TMEFF2: variants seen among roughly 807,000 people sequenced by gnomAD.
The protein encoded by TMEFF2 is tomoregulin-2.
A neutral mutation model predicts 53.8 loss-of-function variants in TMEFF2; 28 were observed. The ratio of observed to expected loss-of-function variants is 0.52; its 90% CI spans 0.39 to 0.71. The LOEUF (loss-of-function observed/expected upper bound fraction) is 0.71, where lower values mean the gene tolerates loss of function less well. Ranked by LOEUF, TMEFF2 falls within the 30% of genes least tolerant of loss-of-function variation. The probability of loss-of-function intolerance (pLI) is 0.00; values close to 1 mark genes in which losing one functional copy is unlikely to be tolerated. For missense variants in TMEFF2, 353 were observed against 455.2 expected (o/e 0.78, Z 2.04); for synonymous variants, 162 against 166.3 (o/e 0.97, Z 0.20).
chr2:192,005,755 A>G (rs1686485098), intron 5 of TMEFF2, among the ~76,000 whole-genome samples: 1 of 152,108 alleles, frequency 6.6e-6, no homozygotes, highest in South Asian at 2.1e-4. Context: ...CAGATCTGTA[A>G]TGGATGAACT....
chr2:191,954,027 A>G (rs1021223374), intron 8 of TMEFF2, among the ~76,000 whole-genome samples, 190 bp from the exon 9 acceptor site: 6 of 151,108 alleles, frequency 4.0e-5, no homozygotes, highest in South Asian at 2.1e-4. Flanking sequence ...AGCTGGGACT[A>G]CAGGCGCCCG....
chr2:192,096,514 T>C (rs867466077), intron 4 of TMEFF2, among the ~76,000 whole-genome samples: 2 of 152,126 alleles, frequency 1.3e-5, no homozygotes, highest in Admixed American at 1.3e-4. Context: ...GAACCCATTA[T>C]TCTGAATATT....
chr2:192,193,749 GAGAT>G (rs149082794), intron 1 of TMEFF2, among the ~76,000 whole-genome samples: 1,701 of 41,836 alleles, frequency 0.041, 54 homozygotes, highest in African/African-American at 0.086. Flanking sequence ...GAGAGAGAGA[GAGAT>G]AGATAGATAG....
Position 192,041,243 on chromosome 2 carries a change from A to G in TMEFF2, c.536+16436T>C, listed in dbSNP as rs1416394002. Among the ~76,000 whole-genome samples the G allele has an allele frequency of 4.6e-5, 7 of 152,204 alleles. No individual in the cohort carries two copies. In the South Asian group the frequency reaches 1.2e-3, roughly 27 times the overall value. On this transcript the variant is annotated intron_variant, in intron 5 of 9. Coordinates refer to ENST00000272771, the MANE Select transcript of TMEFF2 (RefSeq NM_016192.4). ...GGGAACTTATATTTAGATTATATAT[A>G]TTTTTAAAACTCTTACAGCTCAATA...
At chr2:192,160,852 A>C (rs1690615919) in intron 4 of TMEFF2, among the ~76,000 whole-genome samples, 1 of 152,228 alleles carries the variant, frequency 6.6e-6, no homozygotes. Flanking sequence ...TGCAATAGGC[A>C]GCAGTAATGC....
At position 192,058,172 on chromosome 2, in the gene TMEFF2, T is replaced by A. The variant is rs1299350899; in HGVS notation, c.440-397A>T. Among the ~76,000 whole-genome samples the A allele has an allele frequency of 2.6e-5, 4 of 152,196 alleles. No homozygotes were observed. In the East Asian group the frequency reaches 7.7e-4, roughly 29 times the overall value. On this transcript the variant is annotated intron_variant, in intron 4 of 9. Transcript: ENST00000272771. ...ATTTAGCATTTTCTTATTTCCAGAT[T>A]ATGGACTTTTTCGTTCAAAGAAAGT... is the stretch of plus-strand genomic sequence containing the variant.
intron 4 of TMEFF2, among the ~76,000 whole-genome samples, chr2:192,061,046 T>C (rs1201723526): frequency 2.0e-5 from 3 of 152,184 alleles, no homozygotes; most frequent in Non-Finnish European, 4.4e-5. Flanking sequence ...CTCAGATCTC[T>C]CTGCCCTGGT....
intron 4 of TMEFF2, among the ~76,000 whole-genome samples, chr2:192,061,858 C>T (rs543541746): frequency 1.3e-5 from 2 of 152,212 alleles, no homozygotes; most frequent in South Asian, 4.1e-4. Context: ...TTCGTTCTCT[C>T]TCTTGCTCCC....
At chr2:192,016,557 T>C (rs747028383) in intron 5 of TMEFF2, among the ~76,000 whole-genome samples, 1 of 152,208 alleles carries the variant, frequency 6.6e-6, no homozygotes, top group Non-Finnish European at 1.5e-5. Flanking sequence ...AAGGATCCTG[T>C]GAGTCCATCT....
In TMEFF2 at chr2:192,141,514, A is replaced by G. The variant is rs566328313; in HGVS notation, c.439+38154T>C. ...AAGTATTTCATAGAGCTAGGTCTCA[A>G]ACATGCATTTGACTTTTATTATTAT... On this transcript the variant is annotated intron_variant, in intron 4 of 9. Transcript: ENST00000272771. Among the ~76,000 whole-genome samples the G allele has an allele frequency of 7.3e-4, 111 of 152,204 alleles. 1 individual carries two copies. The highest frequency in any genetic ancestry group is 2.6e-3 in the African/African-American group (107 of 41,550).
At chr2:192,038,512 CTT>C (rs1352416135) in intron 5 of TMEFF2, among the ~76,000 whole-genome samples, 2 of 151,978 alleles carry the variant, frequency 1.3e-5, no homozygotes, top group Non-Finnish European at 2.9e-5. Flanking sequence ...CTGCTCTTTT[CTT>C]TCTTTTTTTA....
chr2:192,093,656 C>G (rs1442226334), intron 4 of TMEFF2, among the ~76,000 whole-genome samples: 1 of 152,016 alleles, frequency 6.6e-6, no homozygotes, highest in East Asian at 1.9e-4. Flanking sequence ...CCAGGAATCT[C>G]CATAGAAAAT....
intron 1 of TMEFF2, among the ~76,000 whole-genome samples, chr2:192,192,566 C>T (rs936762166): frequency 6.6e-6 from 1 of 152,182 alleles, no homozygotes; most frequent in African/African-American, 2.4e-5. Context: ...TCTAAGTTAA[C>T]AGGGGTGGAA....
At chr2:192,188,298 T>C (rs1448102683) in intron 2 of TMEFF2, among the ~76,000 whole-genome samples, 2 of 152,220 alleles carry the variant, frequency 1.3e-5, no homozygotes. Context: ...TGGCTCTTTC[T>C]TTCTCTCTGG....
intron 4 of TMEFF2, among the ~76,000 whole-genome samples, chr2:192,102,278 G>C (rs1689047341): frequency 6.6e-6 from 1 of 152,088 alleles, no homozygotes; most frequent in South Asian, 2.1e-4. Context: ...AGGAATAAAG[G>C]ACATGCTTAC....
rs141384818 is a variant in TMEFF2 at position 192,061,998 on chromosome 2, A to G, written c.440-4223T>C. Among the ~76,000 whole-genome samples, 302 of 152,274 alleles carry G rather than the reference A, an allele frequency of 2.0e-3. 1 individual carries two copies. Among genetic ancestry groups the G allele is most frequent in the African/African-American group, 6.5e-3 (269 of 41,572 alleles). On this transcript the variant is annotated intron_variant, in intron 4 of 9. Transcript: ENST00000272771. ...AGCCTGGAGAACCATGAGTCAGAATAAACTTTTTTTCCTTATAAATTATCC... is the reference window on the plus strand; with the variant it reads ...AGCCTGGAGAACCATGAGTCAGAATGAACTTTTTTTCCTTATAAATTATCC...
In TMEFF2 at chr2:192,071,771, G is replaced by GA. The variant is rs1437393895; in HGVS notation, c.440-13997dup. 7.9e-5 allele frequency among the ~76,000 whole-genome samples: 12 copies of GA among 151,920 alleles called. No homozygotes were observed. The South Asian group carries it at 2.1e-3, about 26-fold the overall frequency. On this transcript the variant is annotated intron_variant, in intron 4 of 9. Coordinates refer to ENST00000272771, the MANE Select transcript of TMEFF2 (RefSeq NM_016192.4). ...TACTGTATTTAGGGAATGATGGCAA[G>GA]AAAAAATCTGTACATGTTCAGTACA...
At chr2:192,071,437 T>C (rs954471194) in intron 4 of TMEFF2, among the ~76,000 whole-genome samples, 1 of 151,876 alleles carries the variant, frequency 6.6e-6, no homozygotes, top group African/African-American at 2.4e-5. Flanking sequence ...TATTCTTACA[T>C]GTAGGATGAG....
chr2:192,034,627 T>C (rs1248650627), intron 5 of TMEFF2: 1 of 152,262 alleles, frequency 6.6e-6, no homozygotes, highest in African/African-American at 2.4e-5. Context: ...CTCCTGTTTA[T>C]AAATTGTTGT....
Sources: allele counts gnomAD v4.1 joint callset (sites outside exome capture counted in the v4.1 genomes callset), GRCh38; gene constraint gnomAD v4.1.1; transcripts MANE v1.5; gene names NCBI Gene and HGNC (gene_info 2026-07-23, HGNC 2026-07-21).